The following AGBL1 variants were observed in gnomAD, a reference collection of about 807,000 sequenced individuals.
AGBL1 encodes cytosolic carboxypeptidase 4.
In AGBL1, 130 loss-of-function variants were observed where a neutral mutation model predicts 118.9. That is an observed-to-expected ratio of 1.09 (90% CI 0.95 to 1.26). The LOEUF (loss-of-function observed/expected upper bound fraction) is 1.26, where lower values mean the gene tolerates loss of function less well. AGBL1 is among the 50% of genes most tolerant of loss of function. The pLI, the probability that AGBL1 is intolerant of heterozygous loss-of-function variation, is 0.00. For missense variants in AGBL1, 1,584 were observed against 1,298.1 expected, an observed-to-expected ratio of 1.22 and a Z score of -3.38; for synonymous variants, 555 against 478.9, an observed-to-expected ratio of 1.16 and a Z score of -2.08.
At chr15:86,304,516 A>AT (rs1284724632) in intron 17 of AGBL1, among the ~76,000 whole-genome samples, 2 of 152,040 alleles carry the variant, frequency 1.3e-5, no homozygotes, top group East Asian at 1.9e-4. Context: ...TATATGTTGT[A>AT]TTTTTTTCTA....
intron 1 of AGBL1, among the ~76,000 whole-genome samples, chr15:86,086,809 G>A (rs901446248): frequency 8.5e-5 from 13 of 152,118 alleles, no homozygotes; most frequent in East Asian, 5.8e-4. Flanking sequence ...TAGATGGTTC[G>A]TTCTGATTGC....
chr15:86,388,958 T>C (rs1187924243), intron 17 of AGBL1, among the ~76,000 whole-genome samples: 1 of 152,230 alleles, frequency 6.6e-6, no homozygotes, highest in Non-Finnish European at 1.5e-5. Flanking sequence ...TTTGTTACTA[T>C]GTCATATATC....
chr15:86,885,934 T>C (rs923293723), intron 22 of AGBL1, among the ~76,000 whole-genome samples: 1 of 152,208 alleles, frequency 6.6e-6, no homozygotes, highest in Admixed American at 6.5e-5. Flanking sequence ...TCTGTAACAA[T>C]AGCAACACTA....
intron 22 of AGBL1, among the ~76,000 whole-genome samples, chr15:86,820,577 A>G (rs1478140127): frequency 6.6e-6 from 1 of 152,220 alleles, no homozygotes; most frequent in Non-Finnish European, 1.5e-5. Context: ...ACATATGAAA[A>G]AAAGCTCATC....
chr15:86,201,599 G>T (rs1454430959), intron 5 of AGBL1, among the ~76,000 whole-genome samples: 1 of 152,176 alleles, frequency 6.6e-6, no homozygotes, highest in Non-Finnish European at 1.5e-5. Context: ...AGAAAGCTTA[G>T]TCAAGAGATT....
At chr15:86,762,957 C>A (rs544442315) in intron 22 of AGBL1, among the ~76,000 whole-genome samples, 1 of 152,006 alleles carries the variant, frequency 6.6e-6, no homozygotes, top group Admixed American at 6.6e-5. Flanking sequence ...GAAGGGAAAA[C>A]ACCATAGCAC....
At chr15:87,021,832 C>T (rs1238170780) in intron 24 of AGBL1, among the ~76,000 whole-genome samples, 1 of 152,112 alleles carries the variant, frequency 6.6e-6, no homozygotes, top group African/African-American at 2.4e-5. Flanking sequence ...TCCAGAACAA[C>T]TGCAGGAATA....
At chr15:87,015,341 T>A (rs889341945) in intron 24 of AGBL1, among the ~76,000 whole-genome samples, 4 of 152,124 alleles carry the variant, frequency 2.6e-5, no homozygotes, top group Non-Finnish European at 5.9e-5. Context: ...ATAAATCCCT[T>A]ATCTTTCTGC....
intron 22 of AGBL1, among the ~76,000 whole-genome samples, chr15:86,780,802 G>A (rs545363085): frequency 6.6e-6 from 1 of 151,892 alleles, no homozygotes; most frequent in East Asian, 1.9e-4. Flanking sequence ...CGAGTAGCTG[G>A]GATTACAGGC....
At chr15:87,030,919 G>GAGGA (rs1403497425), downstream of AGBL1, among the ~76,000 whole-genome samples, 2 of 151,968 alleles carry the variant, frequency 1.3e-5, no homozygotes, top group Non-Finnish European at 2.9e-5. Flanking sequence ...CGGCTGAGCT[G>GAGGA]AGGAAGGACA....
intron 5 of AGBL1, among the ~76,000 whole-genome samples, chr15:86,220,453 T>C (rs1021235517): frequency 8.5e-5 from 13 of 152,340 alleles, no homozygotes; most frequent in African/African-American, 3.1e-4. Flanking sequence ...GGGTGATAAA[T>C]ATTCAAGACT....
intron 23 of AGBL1, among the ~76,000 whole-genome samples, chr15:86,983,644 A>C (rs1266232007): frequency 6.6e-6 from 1 of 152,220 alleles, no homozygotes; most frequent in African/African-American, 2.4e-5. Context: ...CAAGATAGAG[A>C]ACACAGACTT....
chr15:86,138,208 T>G (rs1251853698), intron 1 of AGBL1: 1 of 152,254 alleles, frequency 6.6e-6, no homozygotes, highest in East Asian at 1.9e-4. Context: ...AGCCTCCCCA[T>G]GCTCTGCCAT....
chr15:86,706,595 C>G (rs1243644349), intron 22 of AGBL1, among the ~76,000 whole-genome samples: 1 of 152,112 alleles, frequency 6.6e-6, no homozygotes, highest in Non-Finnish European at 1.5e-5. Context: ...TTCCCTAAGG[C>G]TCGCGATTTG....
At chr15:86,713,756 C>A (rs2123261) in intron 22 of AGBL1, among the ~76,000 whole-genome samples, 59,003 of 151,780 alleles carry the variant, frequency 0.39, 12,406 homozygotes, top group Non-Finnish European at 0.48. Flanking sequence ...CCTTCAGCCC[C>A]AAAGCTAAAG....
Position 86,803,557 on chromosome 15 carries a change from C to A in AGBL1, c.3159-103530C>A, listed in dbSNP as rs930662847. On this transcript the variant is annotated intron_variant, in intron 22 of 22. Coordinates refer to ENST00000614907, the MANE Select transcript of AGBL1 (RefSeq NM_001386094.1). ...GTTTCAGAAACGGTAAGAGTCAACT[C>A]TGGCATCTCATGAGTGATCCATTTA... Among the ~76,000 whole-genome samples, 3 of 152,162 alleles carry A rather than the reference C, an allele frequency of 2.0e-5. No homozygotes were observed. In the East Asian group the frequency reaches 5.8e-4, roughly 29 times the overall value.
At chr15:86,644,360 C>T (rs1481319485) in intron 21 of AGBL1, among the ~76,000 whole-genome samples, 2 of 151,840 alleles carry the variant, frequency 1.3e-5, no homozygotes, top group South Asian at 2.1e-4. Flanking sequence ...GGCAAGAGCC[C>T]GTCTCTACAA....
rs775970146 is a variant in AGBL1, at chr15:86,970,353, ATT to A, written c.3222-17633_3222-17632del. ...AGAGTTTTAGAAGTCATTATTGCTT[ATT>A]GTTGTCATTTATGAATTGCCAATTG... On this transcript the variant is annotated intron_variant, in intron 23 of 24. Transcript: ENST00000441037. 2.6e-5 allele frequency among the ~76,000 whole-genome samples: 4 copies of A among 151,964 alleles called. 1 individual carries two copies. Among genetic ancestry groups the A allele is most frequent in the Non-Finnish European group, 4.4e-5 (3 of 67,934 alleles).
At chr15:86,557,288 C>T (rs958407550) in intron 21 of AGBL1, among the ~76,000 whole-genome samples, 12 of 152,140 alleles carry the variant, frequency 7.9e-5, no homozygotes, top group African/African-American at 2.7e-4. Context: ...AGAGGCATCC[C>T]GTCCATGTGG....
Sources: allele counts gnomAD v4.1 joint callset (sites outside exome capture counted in the v4.1 genomes callset), GRCh38; gene constraint gnomAD v4.1.1; transcripts MANE v1.5; gene names NCBI Gene and HGNC (gene_info 2026-07-23, HGNC 2026-07-21).